DCC: variants seen among roughly 807,000 people sequenced by gnomAD.
DCC encodes netrin receptor DCC.
A neutral mutation model predicts 172.5 loss-of-function variants in DCC; 58 were observed. That is an observed-to-expected ratio of 0.34 (90% CI 0.27 to 0.42). The LOEUF is 0.42. DCC is among the 10% of genes least tolerant of loss of function. The pLI, the probability that DCC is intolerant of heterozygous loss-of-function variation, is 1.00. For synonymous variants in DCC, 709 were observed against 644.5 expected, an observed-to-expected ratio of 1.10 and a Z score of -1.52; for missense variants, 1,740 against 1,791.0, an observed-to-expected ratio of 0.97 and a Z score of 0.51.
chr18:52,452,946 T>C (rs899643866), intron 1 of DCC, among the ~76,000 whole-genome samples: 3 of 152,338 alleles, frequency 2.0e-5, no homozygotes, highest in South Asian at 2.1e-4. Flanking sequence ...CAAGACTAGA[T>C]ATAAAAACAG....
chr18:52,470,194 G>A lies in DCC; in HGVS notation c.91+129316G>A, dbSNP rs372076949. Among the ~76,000 whole-genome samples the A allele has an allele frequency of 1.6e-4, 24 of 152,222 alleles. 2 individuals carry two copies. The East Asian group carries it at 3.1e-3, about 20-fold the overall frequency. Reference sequence around the variant, plus strand: ...TATAACCAGGGATTTGACAGACTTCGGCACCTTAGGAATAGCCCTGATTCT... The same window carrying A: ...TATAACCAGGGATTTGACAGACTTCAGCACCTTAGGAATAGCCCTGATTCT... On this transcript the variant is annotated intron_variant, in intron 1 of 28. Transcript: ENST00000442544.
intron 1 of DCC, among the ~76,000 whole-genome samples, chr18:52,602,026 G>C (rs886842613): frequency 6.6e-6 from 1 of 151,944 alleles, no homozygotes; most frequent in Non-Finnish European, 1.5e-5. Context: ...ATTTTTCAAA[G>C]AAATTAAAGG....
intron 8 of DCC, among the ~76,000 whole-genome samples, chr18:53,166,216 T>C (rs921222224): frequency 6.6e-5 from 10 of 152,098 alleles, no homozygotes; most frequent in African/African-American, 2.4e-4. Context: ...AGTGTAGAGA[T>C]CATTGTGCAA....
At chr18:53,010,726 G>A (rs975427061) in intron 5 of DCC, among the ~76,000 whole-genome samples, 8 of 150,472 alleles carry the variant, frequency 5.3e-5, no homozygotes, top group Non-Finnish European at 1.0e-4. Flanking sequence ...TATTTATAAT[G>A]TTTATGATAT....
intron 5 of DCC, 93 bp downstream of exon 5, chr18:52,925,463 T>C: frequency 7.4e-7 from 1 of 1,345,562 alleles, no homozygotes; most frequent in Non-Finnish European, 1.1e-6. Context: ...ATTCCTATGT[T>C]TATTAGTGTG....
intron 7 of DCC, among the ~76,000 whole-genome samples, chr18:53,103,436 A>G (rs2043201419): frequency 6.6e-6 from 1 of 152,030 alleles, no homozygotes; most frequent in African/African-American, 2.4e-5. Context: ...CAGTGGCATG[A>G]TCATGACTCA....
chr18:52,610,598 T>C (rs2034259208), intron 1 of DCC, among the ~76,000 whole-genome samples: 1 of 151,794 alleles, frequency 6.6e-6, no homozygotes. Context: ...GAAATTGACA[T>C]GGACCCCTCT....
intron 7 of DCC, among the ~76,000 whole-genome samples, chr18:53,151,735 T>A (rs2054644498): frequency 6.6e-6 from 1 of 152,166 alleles, no homozygotes; most frequent in Non-Finnish European, 1.5e-5. Context: ...AACTATTTTA[T>A]AAAATCTACA....
intron 9 of DCC, among the ~76,000 whole-genome samples, chr18:53,199,157 C>A (rs1008886910): frequency 1.3e-5 from 2 of 151,002 alleles, no homozygotes; most frequent in African/African-American, 2.4e-5. Context: ...CTCAATATAA[C>A]CTCTGCCTCT....
chr18:53,024,499 C>T lies in DCC; in HGVS notation c.986-38806C>T, dbSNP rs1381760460. Among the ~76,000 whole-genome samples, 3 of 152,116 alleles carry T rather than the reference C, an allele frequency of 2.0e-5. No individual in the cohort carries two copies. The East Asian group carries it at 5.8e-4, about 29-fold the overall frequency. On this transcript the variant is annotated intron_variant, in intron 5 of 28. Coordinates refer to ENST00000442544, the MANE Select transcript of DCC (RefSeq NM_005215.4). ...TTTTACTCTCATTAGCTGAGGGAAA[C>T]TTCCCATGAGCCAAAGAGCCCATCA...
intron 2 of DCC, among the ~76,000 whole-genome samples, chr18:52,819,204 G>C (rs376116502): frequency 3.4e-5 from 5 of 147,846 alleles, no homozygotes; most frequent in African/African-American, 1.3e-4. Flanking sequence ...AAACCAACAA[G>C]ACAAAGAGCT....
At chr18:52,994,554 T>G (rs2041449641) in intron 5 of DCC, among the ~76,000 whole-genome samples, 1 of 152,188 alleles carries the variant, frequency 6.6e-6, no homozygotes, top group African/African-American at 2.4e-5. Flanking sequence ...AAACATGGCC[T>G]TAGTGGCAAT....
At chr18:52,769,099 T>C (rs1225797541) in intron 2 of DCC, among the ~76,000 whole-genome samples, 2 of 152,218 alleles carry the variant, frequency 1.3e-5, no homozygotes, top group Non-Finnish European at 2.9e-5. Context: ...CTTCCTGATA[T>C]GTATTGAGAA....
intron 2 of DCC, among the ~76,000 whole-genome samples, chr18:52,818,598 T>C (rs567889397): frequency 1.3e-5 from 2 of 151,340 alleles, no homozygotes; most frequent in South Asian, 2.2e-4. Context: ...AGATATAAAA[T>C]TGAATGAAAT....
chr18:53,417,472 A>C (rs978997599), intron 21 of DCC, among the ~76,000 whole-genome samples: 1 of 152,190 alleles, frequency 6.6e-6, no homozygotes, highest in African/African-American at 2.4e-5. Flanking sequence ...AATGATGAGT[A>C]ATTATCACTT....
At chr18:53,042,859 T>A (rs1822658400) in intron 5 of DCC, among the ~76,000 whole-genome samples, 1 of 151,872 alleles carries the variant, frequency 6.6e-6, no homozygotes, top group African/African-American at 2.4e-5. Context: ...ACACTGTTGG[T>A]GGGAGTGTAA....
At chr18:52,464,346 A>G (rs1988720783) in intron 1 of DCC, among the ~76,000 whole-genome samples, 1 of 152,198 alleles carries the variant, frequency 6.6e-6, no homozygotes, top group South Asian at 2.1e-4. Flanking sequence ...TAGAATATAA[A>G]GTATGTGGTT....
At chr18:53,390,266 C>CTT (rs1908458646) in intron 16 of DCC, among the ~76,000 whole-genome samples, 1 of 140,730 alleles carries the variant, frequency 7.1e-6, no homozygotes. Flanking sequence ...TCTCTCTCTC[C>CTT]TTTTATTTTT....
At chr18:53,307,897 GTATATA>G (rs771876514) in intron 13 of DCC, among the ~76,000 whole-genome samples, 7,921 of 66,918 alleles carry the variant, frequency 0.12, 685 homozygotes, top group Non-Finnish European at 0.17. Context: ...GTGTGTGTAT[GTATATA>G]TATATATATA....
Sources: gnomAD v4.1 joint callset for allele counts (sites outside exome capture counted in the v4.1 genomes callset) on GRCh38, gnomAD v4.1.1 for gene constraint, MANE v1.5 for transcripts, NCBI Gene and HGNC (gene_info 2026-07-23, HGNC 2026-07-21) for gene names.